Variants in FILIP1L observed in about 807,000 individuals in gnomAD.
The protein encoded by FILIP1L is filamin A interacting protein 1 like.
A neutral mutation model predicts 96.6 loss-of-function variants in FILIP1L; 55 were observed. That is an observed-to-expected ratio of 0.57 (90% CI 0.46 to 0.71). FILIP1L has a LOEUF of 0.71. FILIP1L is among the 30% of genes least tolerant of loss of function. The probability of loss-of-function intolerance (pLI) is 0.00; values close to 1 mark genes in which losing one functional copy is unlikely to be tolerated. For synonymous variants in FILIP1L, 467 were observed against 473.9 expected (o/e 0.99, Z 0.19); for missense variants, 1,304 against 1,321.2 (o/e 0.99, Z 0.20).
At chr3:99,877,440 A>G (rs996454652) in intron 4 of FILIP1L, among the ~76,000 whole-genome samples, 3 of 152,184 alleles carry the variant, frequency 2.0e-5, no homozygotes, top group African/African-American at 7.2e-5. Context: ...GCACAACATT[A>G]AATGTATGTC....
intron 5 of FILIP1L, among the ~76,000 whole-genome samples, chr3:99,843,671 T>G (rs1943232705): frequency 6.6e-6 from 1 of 152,078 alleles, no homozygotes; most frequent in Non-Finnish European, 1.5e-5. Flanking sequence ...AGAGAACACT[T>G]ACATAAATCT....
intron 1 of FILIP1L, among the ~76,000 whole-genome samples, chr3:99,983,490 ATATATATATATATATATATG>A (rs1709229146): frequency 8.0e-5 from 2 of 24,888 alleles, no homozygotes; most frequent in African/African-American, 1.1e-4. Context: ...ATATATATAT[ATATATATATATATATATATG>A]TATATATATA....
At chr3:99,961,538 A>T (rs913318724) in intron 1 of FILIP1L, among the ~76,000 whole-genome samples, 2 of 152,136 alleles carry the variant, frequency 1.3e-5, no homozygotes, top group Middle Eastern at 3.2e-3. Context: ...CCATCCAGTG[A>T]CGTGCAGCTG....
At chr3:99,994,639 G>GTGTA (rs1709622336) in intron 1 of FILIP1L, among the ~76,000 whole-genome samples, 1 of 152,108 alleles carries the variant, frequency 6.6e-6, no homozygotes, top group Non-Finnish European at 1.5e-5. Flanking sequence ...CAATCACTGG[G>GTGTA]TGTATTAGTC....
intron 1 of FILIP1L, among the ~76,000 whole-genome samples, chr3:99,958,960 A>G (rs1313422393): frequency 6.6e-6 from 1 of 152,170 alleles, no homozygotes; most frequent in Non-Finnish European, 1.5e-5. Context: ...ATACCACTGG[A>G]TTCTTGTGTG....
intron 5 of FILIP1L, among the ~76,000 whole-genome samples, chr3:99,843,293 A>C (rs1943214107): frequency 6.6e-6 from 1 of 152,230 alleles, no homozygotes; most frequent in Admixed American, 6.5e-5. Context: ...TAGCTCAGCC[A>C]AAGATTTAGG....
chr3:99,850,495 T>C lies in FILIP1L; in HGVS notation c.1181A>G (p.Glu394Gly). 6.2e-7 allele frequency: 1 copy of C among 1,613,208 alleles called. No homozygotes were observed. ...GKDEELIKME[E>G]QCRDLNKRLE... ...CCTCTTATTGAGATCTCTGCACTGC[T>C]CCTCCATTTTTATGAGCTCTTCATC... The change falls in exon 5 of 6, where the codon GAG becomes GGG. Residue 394 changes from glutamate to glycine, a missense_variant. Physicochemically the swap from Glu to Gly is moderately conservative, Grantham distance 98. Transcript: ENST00000477258.
At chr3:100,042,338 C>CA (rs935944035) in intron 1 of FILIP1L, among the ~76,000 whole-genome samples, 1 of 151,778 alleles carries the variant, frequency 6.6e-6, no homozygotes, top group African/African-American at 2.4e-5. Flanking sequence ...CAGCCAGTAA[C>CA]AAAAAAACAT....
chr3:99,983,446 GTATATATATATATGTGTGTA>G (rs1559713580), intron 1 of FILIP1L, among the ~76,000 whole-genome samples: 6 of 87,808 alleles, frequency 6.8e-5, no homozygotes, highest in African/African-American at 2.2e-4. Context: ...ATATATGTAT[GTATATATATATATGTGTGTA>G]TATATATATA....
chr3:100,003,794 A>T (rs1378397967), intron 1 of FILIP1L, among the ~76,000 whole-genome samples: 2 of 152,166 alleles, frequency 1.3e-5, no homozygotes, highest in Non-Finnish European at 2.9e-5. Context: ...ATGTATATTT[A>T]TTGAGCAATA....
chr3:100,077,043 T>G (rs1043850471), intron 1 of FILIP1L, among the ~76,000 whole-genome samples: 1 of 152,204 alleles, frequency 6.6e-6, no homozygotes, highest in African/African-American at 2.4e-5. Flanking sequence ...CTGGCCAGGG[T>G]ACGCTTACAT....
intron 1 of FILIP1L, among the ~76,000 whole-genome samples, chr3:100,015,183 G>A (rs560743032): frequency 7.9e-5 from 12 of 151,756 alleles, no homozygotes; most frequent in East Asian, 3.9e-4. Context: ...TGGTACCTTC[G>A]TTGTAGATCA....
chr3:100,050,990 T>A (rs62285462), intron 1 of FILIP1L, among the ~76,000 whole-genome samples: 28,170 of 152,208 alleles, frequency 0.19, 2,949 homozygotes, highest in South Asian at 0.25. Context: ...TTCACATGTT[T>A]TAGGTAGCAG....
chr3:99,970,123 C>T (rs1708770539), intron 1 of FILIP1L, among the ~76,000 whole-genome samples: 1 of 152,230 alleles, frequency 6.6e-6, no homozygotes, highest in Admixed American at 6.5e-5. Context: ...GGTTCAACCT[C>T]ATACTTTGCG....
intron 1 of FILIP1L, among the ~76,000 whole-genome samples, chr3:100,020,318 A>G (rs1455981683): frequency 1.3e-5 from 2 of 152,234 alleles, no homozygotes; most frequent in Admixed American, 6.5e-5. Context: ...ACTTGGTGCC[A>G]TGGTTTCTTA....
At chr3:99,847,878 A>C (rs2107519556) in intron 5 of FILIP1L, 1 of 904,412 alleles carries the variant, frequency 1.1e-6, no homozygotes, top group East Asian at 1.1e-4. Flanking sequence ...TCTATTGTAC[A>C]TGCAGAAATA....
At chr3:100,046,272 T>A (rs1001830624) in intron 1 of FILIP1L, among the ~76,000 whole-genome samples, 2 of 152,272 alleles carry the variant, frequency 1.3e-5, no homozygotes, top group African/African-American at 4.8e-5. Context: ...TTGTGAAAAT[T>A]CCTAATTCTA....
At chr3:99,955,725 T>G (rs1708302726) in intron 1 of FILIP1L, among the ~76,000 whole-genome samples, 1 of 152,106 alleles carries the variant, frequency 6.6e-6, no homozygotes, top group Non-Finnish European at 1.5e-5. Context: ...ATGTATTTAA[T>G]TGCTTGATTT....
intron 4 of FILIP1L, among the ~76,000 whole-genome samples, chr3:99,914,593 G>A (rs1466668350): frequency 6.6e-6 from 1 of 152,180 alleles, no homozygotes; most frequent in African/African-American, 2.4e-5. Context: ...TATAAAGTAA[G>A]AAATTGGTTC....
Sources: gnomAD v4.1 joint callset for allele counts (sites outside exome capture counted in the v4.1 genomes callset) on GRCh38, gnomAD v4.1.1 for gene constraint, MANE v1.5 for transcripts, NCBI Gene and HGNC (gene_info 2026-07-23, HGNC 2026-07-21) for gene names.